The following C8orf89 variants were observed in gnomAD, a reference collection of about 807,000 sequenced individuals.
C8orf89 encodes putative uncharacterized protein C8orf89.
Under a neutral mutation model 15.8 loss-of-function variants are expected in C8orf89, and 14 were observed. That is an observed-to-expected ratio of 0.89 (90% CI 0.59 to 1.39). C8orf89 has a LOEUF of 1.39. Ranked by LOEUF, C8orf89 falls within the 40% of genes most tolerant of loss-of-function variation. The pLI, the probability that C8orf89 is intolerant of heterozygous loss-of-function variation, is 0.00. For missense variants in C8orf89, 181 were observed against 184.5 expected, an observed-to-expected ratio of 0.98 and a Z score of 0.11; for synonymous variants, 55 against 62.2, an observed-to-expected ratio of 0.88 and a Z score of 0.54.
chr8:73,281,557 G>A, the C8orf89 span, among the ~76,000 whole-genome samples: 2 of 152,220 alleles, frequency 1.3e-5, no homozygotes, highest in African/African-American at 4.8e-5. Flanking sequence ...AGTTCATTAC[G>A]ATAAAGCTAC....
chr8:73,275,369 T>C, the C8orf89 span, among the ~76,000 whole-genome samples: 1 of 151,314 alleles, frequency 6.6e-6, no homozygotes, highest in Non-Finnish European at 1.5e-5. Flanking sequence ...CCGGAGTAGC[T>C]GGAATTACAG....
chr8:73,248,752 G>T (rs1586162306), intron 3 of C8orf89, among the ~76,000 whole-genome samples: 1 of 152,140 alleles, frequency 6.6e-6, no homozygotes, highest in East Asian at 1.9e-4. Context: ...GACTGTTGTT[G>T]GTGTATAGGA....
upstream of C8orf89, among the ~76,000 whole-genome samples, chr8:73,263,192 C>A (rs2891348): frequency 0.7 from 106,106 of 151,772 alleles, 37,300 homozygotes; most frequent in Middle Eastern, 0.73. Flanking sequence ...TTAAGGCACC[C>A]CCAAATATGG....
At chr8:73,260,669 G>A (rs1392335195), upstream of C8orf89, among the ~76,000 whole-genome samples, 1 of 152,172 alleles carries the variant, frequency 6.6e-6, no homozygotes, top group Non-Finnish European at 1.5e-5. Context: ...AGCATTTCTG[G>A]AGGAAGCCAG....
chr8:73,244,833 T>C (rs1181569544), intron 3 of C8orf89, among the ~76,000 whole-genome samples: 2 of 152,204 alleles, frequency 1.3e-5, no homozygotes, highest in African/African-American at 4.8e-5. Context: ...ATCGGTATCA[T>C]ACACACAAAT....
Position 73,250,070 on chromosome 8 carries a change from A to G in C8orf89, c.337+198T>C, listed in dbSNP as rs533008100. Among the ~76,000 whole-genome samples the G allele has an allele frequency of 1.3e-3, 198 of 152,286 alleles. 1 individual carries two copies. Among genetic ancestry groups the G allele is most frequent in the African/African-American group, 4.6e-3 (190 of 41,570 alleles). ...CCCAAGTGAGATATGATGAGGGCCT[A>G]CCCTTGAGTCCTGAAATTATAAAAG... is the stretch of plus-strand genomic sequence containing the variant. On this transcript the variant is annotated intron_variant, in intron 3 of 3. Transcript: ENST00000624510.
chr8:73,244,491 A>G (rs897550966), intron 3 of C8orf89, among the ~76,000 whole-genome samples: 3 of 152,220 alleles, frequency 2.0e-5, no homozygotes, highest in Non-Finnish European at 4.4e-5. Flanking sequence ...ACAATATACA[A>G]ATATGTAGAA....
the C8orf89 span, among the ~76,000 whole-genome samples, chr8:73,276,384 G>C: frequency 1.3e-5 from 2 of 151,818 alleles, no homozygotes; most frequent in Non-Finnish European, 2.9e-5. Flanking sequence ...CATCATGTTG[G>C]CCAGCCTATT....
intron 2 of C8orf89, among the ~76,000 whole-genome samples, chr8:73,256,726 C>CAAAAAAAA (rs11288188): frequency 2.1e-4 from 9 of 43,700 alleles, no homozygotes; most frequent in African/African-American, 3.9e-4. Flanking sequence ...GACTCTGTCT[C>CAAAAAAAA]AAAAAAAAAA....
chr8:73,264,089 T>C (rs1238709441), upstream of C8orf89, among the ~76,000 whole-genome samples: 1 of 152,146 alleles, frequency 6.6e-6, no homozygotes, highest in African/African-American at 2.4e-5. Context: ...ATCACAGCCT[T>C]CTTGTGCTTA....
intron 3 of C8orf89, among the ~76,000 whole-genome samples, chr8:73,249,186 T>C (rs886824385): frequency 6.6e-6 from 1 of 152,140 alleles, no homozygotes; most frequent in African/African-American, 2.4e-5. Flanking sequence ...AATCATGTGG[T>C]TTTTGTCTTT....
At chr8:73,275,179 G>C in the C8orf89 span, among the ~76,000 whole-genome samples, 1 of 145,430 alleles carries the variant, frequency 6.9e-6, no homozygotes, top group East Asian at 2.0e-4. Flanking sequence ...ATCTCTACCT[G>C]TATTCCCATA....
At chr8:73,243,549 G>C (rs1448407531) in intron 3 of C8orf89, among the ~76,000 whole-genome samples, 1 of 151,986 alleles carries the variant, frequency 6.6e-6, no homozygotes, top group Admixed American at 6.6e-5. Flanking sequence ...TTGAGATGGA[G>C]GATGGAATCT....
At chr8:73,284,055 GA>G in the C8orf89 span, among the ~76,000 whole-genome samples, 34 of 139,728 alleles carry the variant, frequency 2.4e-4, no homozygotes, top group African/African-American at 8.2e-4. Flanking sequence ...AAAAAAAAAA[GA>G]AAAAAAAAAG....
chr8:73,274,951 C>A, the C8orf89 span, among the ~76,000 whole-genome samples: 1 of 152,174 alleles, frequency 6.6e-6, no homozygotes, highest in African/African-American at 2.4e-5. Flanking sequence ...CATCCTCCTA[C>A]AAGTGGTAAG....
intron 2 of C8orf89, among the ~76,000 whole-genome samples, chr8:73,252,863 CG>C (rs1813277899): frequency 6.6e-6 from 1 of 152,122 alleles, no homozygotes; most frequent in Admixed American, 6.5e-5. Flanking sequence ...GACATTCGGC[CG>C]GGCACGGTGG....
chr8:73,254,197 G>A (rs1211856481), intron 2 of C8orf89, among the ~76,000 whole-genome samples: 1 of 151,994 alleles, frequency 6.6e-6, no homozygotes, highest in East Asian at 1.9e-4. Flanking sequence ...TAATCATGTG[G>A]TTTTTGTCTT....
At chr8:73,267,682 T>C in the C8orf89 span, among the ~76,000 whole-genome samples, 38 of 152,348 alleles carry the variant, frequency 2.5e-4, no homozygotes, top group East Asian at 5.8e-4. Flanking sequence ...TCAGCTTGGT[T>C]AGGCTATATA....
intron 3 of C8orf89, among the ~76,000 whole-genome samples, chr8:73,246,752 A>G (rs1813138230): frequency 1.3e-5 from 2 of 152,156 alleles, no homozygotes; most frequent in Non-Finnish European, 2.9e-5. Context: ...TTGTTTTAGT[A>G]TATGAAATTA....
Sources: gnomAD v4.1 joint callset for allele counts (sites outside exome capture counted in the v4.1 genomes callset) on GRCh38, gnomAD v4.1.1 for gene constraint, MANE v1.5 for transcripts, NCBI Gene and HGNC (gene_info 2026-07-23, HGNC 2026-07-21) for gene names.